MACROD2: variants seen among roughly 807,000 people sequenced by gnomAD.
The protein encoded by MACROD2 is ADP-ribose glycohydrolase MACROD2.
In MACROD2, 36 loss-of-function variants were observed where a neutral mutation model predicts 70.4. The observed-to-expected ratio is 0.51, with a 90% CI of 0.39 to 0.68. The LOEUF is 0.68. Ranked by LOEUF, MACROD2 falls within the 30% of genes least tolerant of loss-of-function variation. MACROD2 has a pLI of 0.00. For missense variants in MACROD2, 496 were observed against 538.4 expected (o/e 0.92, Z 0.78); for synonymous variants, 172 against 178.8 (o/e 0.96, Z 0.30).
chr20:15,226,260 T>C (rs186467656), intron 5 of MACROD2, among the ~76,000 whole-genome samples: 1 of 152,300 alleles, frequency 6.6e-6, no homozygotes, highest in Admixed American at 6.5e-5. Context: ...GATCTTAGGA[T>C]TGGTGTTCTT....
At chr20:15,829,269 T>C (rs2147114159) in intron 8 of MACROD2, among the ~76,000 whole-genome samples, 1 of 152,278 alleles carries the variant, frequency 6.6e-6, no homozygotes, top group East Asian at 1.9e-4. Context: ...TTTTACCATG[T>C]CCCTTAGCTG....
At chr20:14,288,126 G>A (rs1385808878) in intron 3 of MACROD2, among the ~76,000 whole-genome samples, 1 of 151,494 alleles carries the variant, frequency 6.6e-6, no homozygotes, top group East Asian at 2.0e-4. Flanking sequence ...ACCCTACAAG[G>A]TAGGGTGTAC....
intron 3 of MACROD2, among the ~76,000 whole-genome samples, chr20:14,388,700 G>T (rs1343014236): frequency 6.6e-6 from 1 of 151,964 alleles, no homozygotes; most frequent in Non-Finnish European, 1.5e-5. Context: ...TCAATCTATG[G>T]CACATCTCAA....
chr20:14,313,680 A>G (rs982660156), intron 3 of MACROD2, among the ~76,000 whole-genome samples: 78 of 152,314 alleles, frequency 5.1e-4, no homozygotes, highest in African/African-American at 1.8e-3. Flanking sequence ...TCCTTTAAGT[A>G]TATTAGTAGA....
At chr20:15,097,521 A>T (rs934195859) in intron 5 of MACROD2, among the ~76,000 whole-genome samples, 2 of 152,190 alleles carry the variant, frequency 1.3e-5, no homozygotes, top group Non-Finnish European at 2.9e-5. Flanking sequence ...AATATACCTC[A>T]GTAGTTATTA....
chr20:14,765,849 A>G (rs2072080731), intron 5 of MACROD2, among the ~76,000 whole-genome samples: 1 of 152,020 alleles, frequency 6.6e-6, no homozygotes, highest in Admixed American at 6.6e-5. Flanking sequence ...TGCTTCATGA[A>G]GTCCACCTCG....
In MACROD2 at chr20:14,085,636, A is replaced by T; in HGVS notation, c.179A>T (p.Glu60Val). The part of the protein sequence containing the change: ...KGQNDEENTQ[E>V]TSQVKKSLTE... Reference sequence around the variant, plus strand: ...TCTATTACAGAAGAAAATACTCAGGAAACATCCCAGGTGAAGAAAAGTTTG... The same window carrying T: ...TCTATTACAGAAGAAAATACTCAGGTAACATCCCAGGTGAAGAAAAGTTTG... The change falls in exon 3 of 18, where the codon GAA becomes GTA. Residue 60 changes from glutamate (E) to valine (V), a missense_variant. Coordinates refer to ENST00000684519, the MANE Select transcript of MACROD2 (RefSeq NM_001351661.2). 6.4e-7 allele frequency: 1 copy of T among 1,566,618 alleles called. No individual in the cohort carries two copies. The highest frequency in any genetic ancestry group is 8.6e-7 in the Non-Finnish European group (1 of 1,156,290).
intron 3 of MACROD2, among the ~76,000 whole-genome samples, chr20:14,224,498 A>G (rs1183407766): frequency 6.6e-6 from 1 of 152,182 alleles, no homozygotes; most frequent in Non-Finnish European, 1.5e-5. Context: ...TCTTCTGCAC[A>G]GTTGATTTGG....
chr20:15,710,388 A>G lies in MACROD2; in HGVS notation c.646-152357A>G, dbSNP rs112012154. Among the ~76,000 whole-genome samples the G allele has an allele frequency of 4.8e-3, 724 of 152,268 alleles. 5 individuals are homozygous for G. The highest frequency in any genetic ancestry group is 0.015 in the African/African-American group (612 of 41,558). On this transcript the variant is annotated intron_variant, in intron 8 of 17. Transcript: ENST00000684519. The stretch of plus-strand genomic sequence containing the variant: ...CTATACACAGAATTAAAATATAAAC[A>G]TACTCCCAAAGCCATATATAAAGTA...
intron 3 of MACROD2, among the ~76,000 whole-genome samples, chr20:14,410,023 C>A (rs1480185779): frequency 6.6e-6 from 1 of 152,106 alleles, no homozygotes; most frequent in African/African-American, 2.4e-5. Context: ...CTGAAGCCAA[C>A]TCAGCTTGGA....
chr20:15,806,893 C>T (rs1201294246), intron 8 of MACROD2, among the ~76,000 whole-genome samples: 2 of 152,078 alleles, frequency 1.3e-5, no homozygotes, highest in Non-Finnish European at 2.9e-5. Context: ...TGCTGAAAGA[C>T]CAAAAGAACA....
rs1054335075 is a variant in MACROD2, at chr20:14,076,788, G to A, written c.164-8833G>A. ...GGGTTTGTCTTAATGACTTGTCAGC[G>A]TTAAGTATAATGTGGGCATGTTTTT... On this transcript the variant is annotated intron_variant, in intron 2 of 17. Coordinates refer to ENST00000684519, the MANE Select transcript of MACROD2 (RefSeq NM_001351661.2). 7.2e-5 allele frequency among the ~76,000 whole-genome samples: 11 copies of A among 152,062 alleles called. No homozygotes were observed. The East Asian group carries it at 1.5e-3, about 21-fold the overall frequency.
intron 3 of MACROD2, among the ~76,000 whole-genome samples, chr20:14,490,589 A>T (rs1467889619): frequency 6.6e-6 from 1 of 152,190 alleles, no homozygotes; most frequent in Non-Finnish European, 1.5e-5. Context: ...ATGCTCAGAG[A>T]AGAGATTTTT....
chr20:14,234,308 A>G (rs1227404061), intron 3 of MACROD2, among the ~76,000 whole-genome samples: 2 of 152,242 alleles, frequency 1.3e-5, no homozygotes, highest in Admixed American at 6.5e-5. Flanking sequence ...ATCCTTTTCC[A>G]TAATTCTCCA....
chr20:14,085,811 TAGAAA>T, intron 3 of MACROD2, 83 bp downstream of exon 3: 1 of 755,170 alleles, frequency 1.3e-6, no homozygotes, highest in Non-Finnish European at 2.0e-6. Context: ...GTAAGTATTT[TAGAAA>T]AAAATGCTTT....
chr20:15,682,670 A>C (rs1231085576), intron 8 of MACROD2, among the ~76,000 whole-genome samples: 1 of 152,208 alleles, frequency 6.6e-6, no homozygotes, highest in Non-Finnish European at 1.5e-5. Context: ...CAACACATTT[A>C]AAATTTTACT....
intron 6 of MACROD2, among the ~76,000 whole-genome samples, chr20:15,257,284 C>A (rs1306727025): frequency 2.0e-5 from 3 of 151,872 alleles, no homozygotes; most frequent in Non-Finnish European, 4.4e-5. Context: ...AGATGCCAAA[C>A]TGAGACAAAT....
chr20:15,454,478 G>A (rs550273029), intron 7 of MACROD2, among the ~76,000 whole-genome samples: 8 of 149,000 alleles, frequency 5.4e-5, no homozygotes, highest in African/African-American at 7.5e-5. Context: ...CTTAGTTTCC[G>A]GACTGCAACA....
At chr20:15,754,135 A>G (rs1466461326) in intron 8 of MACROD2, among the ~76,000 whole-genome samples, 1 of 152,256 alleles carries the variant, frequency 6.6e-6, no homozygotes, top group Non-Finnish European at 1.5e-5. Context: ...TGCTACAGGC[A>G]TAACTTGTAA....
Sources: allele counts gnomAD v4.1 joint callset (sites outside exome capture counted in the v4.1 genomes callset), GRCh38; gene constraint gnomAD v4.1.1; transcripts MANE v1.5; gene names NCBI Gene and HGNC (gene_info 2026-07-23, HGNC 2026-07-21).